Variants in SUGCT observed in about 807,000 individuals in gnomAD.
The protein encoded by SUGCT is succinyl-CoA:glutarate-CoA transferase, also known as succinyl-CoA:glutarate CoA-transferase.
In SUGCT, 41 loss-of-function variants were observed where a neutral mutation model predicts 55.0. The ratio of observed to expected loss-of-function variants is 0.74; its 90% CI spans 0.58 to 0.97. The LOEUF (loss-of-function observed/expected upper bound fraction) is 0.97, where lower values mean the gene tolerates loss of function less well. Among genes scored for constraint, SUGCT ranks in the 50% least tolerant of loss-of-function variants. The pLI is 0.00. For missense variants in SUGCT, 568 were observed against 547.8 expected (o/e 1.04, Z -0.37); for synonymous variants, 187 against 200.4 (o/e 0.93, Z 0.56).
chr7:40,759,015 A>C (rs528008276), intron 13 of SUGCT, among the ~76,000 whole-genome samples: 2 of 152,300 alleles, frequency 1.3e-5, no homozygotes, highest in East Asian at 1.9e-4. Flanking sequence ...AATTAATAGC[A>C]GGACATTTTG....
chr7:40,830,901 C>T (rs915530451), intron 13 of SUGCT, among the ~76,000 whole-genome samples: 5 of 152,190 alleles, frequency 3.3e-5, no homozygotes, highest in African/African-American at 1.2e-4. Flanking sequence ...CACCTTGCAT[C>T]TCTCAAAGGA....
At chr7:40,506,398 T>G (rs1366668091) in intron 12 of SUGCT, among the ~76,000 whole-genome samples, 3 of 152,138 alleles carry the variant, frequency 2.0e-5, no homozygotes, top group Non-Finnish European at 4.4e-5. Context: ...TAATGTATCA[T>G]TTTTATTTTG....
intron 8 of SUGCT, among the ~76,000 whole-genome samples, chr7:40,290,273 A>G (rs1013692532): frequency 2.6e-5 from 4 of 152,214 alleles, no homozygotes; most frequent in African/African-American, 9.6e-5. Context: ...AGGCTACAGT[A>G]ACCAAAACAG....
intron 6 of SUGCT, among the ~76,000 whole-genome samples, chr7:40,208,378 G>C (rs1055494892): frequency 1.3e-5 from 2 of 151,602 alleles, no homozygotes; most frequent in Non-Finnish European, 2.9e-5. Flanking sequence ...AAAAAGTAGA[G>C]AAAAAAAGGA....
chr7:40,499,097 G>A (rs1792144940), intron 12 of SUGCT: 1 of 456,598 alleles, frequency 2.2e-6, no homozygotes, highest in Non-Finnish European at 4.4e-6. Context: ...CTGTTCAGAT[G>A]TGGGAACGCA....
chr7:40,632,303 G>A lies in SUGCT; in HGVS notation c.1090-117131G>A, dbSNP rs1318812624. On this transcript the variant is annotated intron_variant, in intron 12 of 13. Coordinates refer to ENST00000335693, the MANE Select transcript of SUGCT (RefSeq NM_001193313.2). ...CCTTTTGCTGGAAAGTAAGAATTAC[G>A]GCCTTAGACAATGGGCCTGGCATGT... 3.3e-5 allele frequency among the ~76,000 whole-genome samples: 5 copies of A among 151,924 alleles called. No homozygotes were observed. The East Asian group carries it at 5.8e-4, about 18-fold the overall frequency.
chr7:40,617,993 A>G (rs937427407), intron 12 of SUGCT, among the ~76,000 whole-genome samples: 4 of 152,172 alleles, frequency 2.6e-5, no homozygotes, highest in Admixed American at 1.3e-4. Context: ...CTTAGTCATT[A>G]TGTATATCCA....
chr7:40,227,775 G>A (rs923982934), intron 6 of SUGCT, among the ~76,000 whole-genome samples: 1 of 151,682 alleles, frequency 6.6e-6, no homozygotes, highest in African/African-American at 2.4e-5. Flanking sequence ...TGTGGCTCAC[G>A]TCTGTAATCT....
chr7:40,692,482 A>C (rs1402217238), intron 12 of SUGCT, among the ~76,000 whole-genome samples: 1 of 152,222 alleles, frequency 6.6e-6, no homozygotes, highest in Non-Finnish European at 1.5e-5. Flanking sequence ...TCCGTGGTAC[A>C]GCCAGTGAAG....
chr7:40,885,967 T>C, the SUGCT span, among the ~76,000 whole-genome samples: 2 of 152,222 alleles, frequency 1.3e-5, no homozygotes, highest in Non-Finnish European at 2.9e-5. Flanking sequence ...TTCTTTACCT[T>C]TCCCCCGACT....
chr7:40,548,243 T>C (rs778594044), intron 12 of SUGCT, among the ~76,000 whole-genome samples: 49 of 149,078 alleles, frequency 3.3e-4, no homozygotes, highest in Non-Finnish European at 5.2e-4. Context: ...GGCTGGAGTG[T>C]AGTGGTACAA....
intron 13 of SUGCT, among the ~76,000 whole-genome samples, chr7:40,816,512 T>C (rs1791679590): frequency 6.6e-6 from 1 of 152,196 alleles, no homozygotes; most frequent in South Asian, 2.1e-4. Flanking sequence ...ACTGGGGTTT[T>C]ACTCATTTTT....
At chr7:40,478,798 G>T (rs772030351) in intron 11 of SUGCT, among the ~76,000 whole-genome samples, 5 of 152,096 alleles carry the variant, frequency 3.3e-5, no homozygotes, top group African/African-American at 9.6e-5. Context: ...CAGAAACTTT[G>T]TACCCCTTGA....
chr7:40,186,245 C>A (rs987343732), intron 3 of SUGCT, among the ~76,000 whole-genome samples: 4 of 144,814 alleles, frequency 2.8e-5, no homozygotes, highest in Non-Finnish European at 6.1e-5. Context: ...CCCTTCTCCC[C>A]TTTCCTCCTC....
At chr7:40,195,460 A>T (rs2150749991) in intron 6 of SUGCT, among the ~76,000 whole-genome samples, 1 of 151,840 alleles carries the variant, frequency 6.6e-6, no homozygotes, top group Middle Eastern at 3.4e-3. Flanking sequence ...TGACCTCGTG[A>T]TCTGCTCTCT....
chr7:40,377,622 A>G (rs961475904), intron 9 of SUGCT, among the ~76,000 whole-genome samples: 1 of 152,134 alleles, frequency 6.6e-6, no homozygotes, highest in African/African-American at 2.4e-5. Flanking sequence ...AGATTGGAGG[A>G]CAAAAGAGTT....
intron 12 of SUGCT, among the ~76,000 whole-genome samples, chr7:40,719,819 GAC>G (rs1481263684): frequency 3.3e-5 from 5 of 152,246 alleles, no homozygotes; most frequent in African/African-American, 1.2e-4. Context: ...TTGTTTTTGA[GAC>G]AGAGTCTCAC....
intron 7 of SUGCT, among the ~76,000 whole-genome samples, chr7:40,245,442 T>TA (rs1272420767): frequency 0.15 from 10,142 of 68,458 alleles, 1,683 homozygotes; most frequent in East Asian, 0.38. Flanking sequence ...TTTTTTTTTT[T>TA]TTTTTTTTTT....
At chr7:40,679,775 C>G (rs961488292) in intron 12 of SUGCT, among the ~76,000 whole-genome samples, 3 of 152,114 alleles carry the variant, frequency 2.0e-5, no homozygotes, top group Admixed American at 6.5e-5. Flanking sequence ...TTTAGTTTGT[C>G]TTTATTAAAA....
Sources: gnomAD v4.1 joint callset for allele counts (sites outside exome capture counted in the v4.1 genomes callset) on GRCh38, gnomAD v4.1.1 for gene constraint, MANE v1.5 for transcripts, NCBI Gene and HGNC (gene_info 2026-07-23, HGNC 2026-07-21) for gene names.